TENT4A: variants seen among roughly 807,000 people sequenced by gnomAD.
The protein encoded by TENT4A is DNA polymerase kappa.
A neutral mutation model predicts 72.8 loss-of-function variants in TENT4A; 7 were observed. That is an observed-to-expected ratio of 0.10 (90% CI 0.05 to 0.18). The LOEUF is 0.18. Ranked by LOEUF, TENT4A falls within the 10% of genes least tolerant of loss-of-function variation. The probability of loss-of-function intolerance (pLI) is 1.00; values close to 1 mark genes in which losing one functional copy is unlikely to be tolerated. For synonymous variants in TENT4A, 456 were observed against 434.3 expected (o/e 1.05, Z -0.62); for missense variants, 831 against 1,017.7 (o/e 0.82, Z 2.50).
chr5:6,754,026 G>A (rs544777604), intron 12 of TENT4A, among the ~76,000 whole-genome samples: 2 of 152,362 alleles, frequency 1.3e-5, no homozygotes, highest in East Asian at 3.9e-4. Flanking sequence ...CAGGGAATGT[G>A]CTTTGGGTGT....
chr5:6,750,679 T>C (rs1408779052), intron 10 of TENT4A, 176 bp downstream of exon 10: 2 of 594,976 alleles, frequency 3.4e-6, no homozygotes, highest in Middle Eastern at 4.4e-4. Context: ...TCCTTTCCCC[T>C]GCCGTGAACC....
At chr5:6,730,185 A>AC (rs34407051) in intron 1 of TENT4A, among the ~76,000 whole-genome samples, 1 of 151,032 alleles carries the variant, frequency 6.6e-6, no homozygotes, top group Admixed American at 6.6e-5. Context: ...AAAGTGTTGC[A>AC]CCCCCCAGCA....
Position 6,746,066 on chromosome 5 carries a change from C to G in TENT4A, c.1246-148C>G, listed in dbSNP as rs577392827. ...ACTCCTCGTTGAAGAGGCTGCTGTT[C>G]AGGCTTCCTCGTGGTGCTGGTGAGT... On this transcript the variant is annotated intron_variant, in intron 6 of 12. Coordinates refer to ENST00000230859, the MANE Select transcript of TENT4A (RefSeq NM_006999.6). 1.8e-3 allele frequency: 2,704 copies of G among 1,502,212 alleles called. 12 individuals are homozygous for G. The highest frequency in any genetic ancestry group is 3.1e-3 in the Middle Eastern group (15 of 4,878). 93.1% of individuals were successfully genotyped at this position (1,502,212 alleles called of 1,614,324 possible). A position where few individuals can be genotyped will look rare whatever the true frequency, so the allele number is the denominator to read the frequency against.
chr5:6,720,675 A>AAAT (rs1740602181), intron 1 of TENT4A, among the ~76,000 whole-genome samples: 3 of 140,196 alleles, frequency 2.1e-5, no homozygotes, highest in South Asian at 2.4e-4. Context: ...ACTCTGTCTC[A>AAAT]AAATAAATAA....
intron 1 of TENT4A, among the ~76,000 whole-genome samples, chr5:6,734,880 G>A (rs553660120): frequency 6.6e-6 from 1 of 152,308 alleles, no homozygotes; most frequent in Admixed American, 6.5e-5. Flanking sequence ...AAAAACGGAT[G>A]CCATGTTACG....
intron 4 of TENT4A, among the ~76,000 whole-genome samples, chr5:6,742,077 A>G (rs964128547): frequency 1.3e-5 from 2 of 152,270 alleles, no homozygotes; most frequent in African/African-American, 2.4e-5. Flanking sequence ...CAATATCAGT[A>G]TAACATACAA....
intron 2 of TENT4A, among the ~76,000 whole-genome samples, chr5:6,737,890 C>T (rs1042435760): frequency 8.8e-5 from 13 of 147,392 alleles, no homozygotes; most frequent in Non-Finnish European, 1.3e-4. Context: ...CGAAGACCAT[C>T]GGCTGAGGGA....
At chr5:6,732,743 A>C (rs1041901758) in intron 1 of TENT4A, among the ~76,000 whole-genome samples, 1 of 152,100 alleles carries the variant, frequency 6.6e-6, no homozygotes, top group African/African-American at 2.4e-5. Flanking sequence ...ACTAAAAAAA[A>C]CCTCTGCTGT....
intron 7 of TENT4A, among the ~76,000 whole-genome samples, chr5:6,746,974 G>A (rs1165862211): frequency 6.6e-6 from 1 of 152,076 alleles, no homozygotes; most frequent in Non-Finnish European, 1.5e-5. Flanking sequence ...GAGGTTTCCC[G>A]GTTTTATTCC....
At chr5:6,748,737 T>G in intron 8 of TENT4A, 147 bp downstream of exon 8, 1 of 813,270 alleles carries the variant, frequency 1.2e-6, no homozygotes, top group African/African-American at 1.7e-5. Flanking sequence ...AAGGAAGGCC[T>G]TCTAGGAATA....
chr5:6,747,154 G>A (rs1018503590), intron 7 of TENT4A, among the ~76,000 whole-genome samples: 2 of 152,168 alleles, frequency 1.3e-5, no homozygotes, highest in African/African-American at 2.4e-5. Context: ...TTGATTGAGC[G>A]TCTGTTAGGT....
Position 6,748,600 on chromosome 5 carries a change from T to C in TENT4A, c.1586+10T>C, listed in dbSNP as rs773431125. Reference sequence around the variant, plus strand: ...ACAGAGACGCCGAAAGGTAATGGGTTGTGTGTCTGCGTCTGGGCTCAGCGT... The same window carrying C: ...ACAGAGACGCCGAAAGGTAATGGGTCGTGTGTCTGCGTCTGGGCTCAGCGT... On this transcript the variant is annotated intron_variant, in intron 8 of 12. Transcript: ENST00000230859. The C allele has an allele frequency of 5.0e-6, 8 of 1,606,430 alleles. No individual in the cohort carries two copies. The highest frequency in any genetic ancestry group is 6.8e-6 in the Non-Finnish European group (8 of 1,173,584).
chr5:6,745,259 G>C lies in TENT4A; in HGVS notation c.1246-955G>C, dbSNP rs538836342. On this transcript the variant is annotated intron_variant, in intron 6 of 12. Coordinates refer to ENST00000230859, the MANE Select transcript of TENT4A (RefSeq NM_006999.6). ...TGGTGGAAATATGCAGAGAACTCCG[G>C]AATTCTTCTGAACCCTAAAAACATT... Among the ~76,000 whole-genome samples the C allele has an allele frequency of 2.8e-4, 42 of 152,336 alleles. 2 individuals carry two copies. In the South Asian group the frequency reaches 5.6e-3, roughly 20 times the overall value.
intron 1 of TENT4A, among the ~76,000 whole-genome samples, chr5:6,722,544 T>C (rs1740704325): frequency 1.6e-5 from 2 of 127,064 alleles, no homozygotes; most frequent in Non-Finnish European, 1.6e-5. Flanking sequence ...TTTGCATTTG[T>C]TAGTTTTTTT....
In TENT4A at chr5:6,713,894, C is replaced by T. The variant is rs1579440576; in HGVS notation, c.-90C>T. The T allele has an allele frequency of 2.8e-6, 1 of 359,020 alleles. No homozygotes were observed. The highest frequency in any genetic ancestry group is 3.8e-6 in the Non-Finnish European group (1 of 260,478). The allele number at this position is 359,020 out of a possible 1,614,324, so 22.2% of individuals were successfully genotyped here. On this transcript the variant is annotated 5_prime_UTR_variant, in exon 1 of 13. Coordinates refer to ENST00000230859, the MANE Select transcript of TENT4A (RefSeq NM_006999.6). ...ACCGGCCCAGGCCCGTCCGTCCGTC[C>T]GTGCGCGCGCGGCCGGGCCTCGGGG...
At chr5:6,726,232 G>T (rs950418343) in intron 1 of TENT4A, among the ~76,000 whole-genome samples, 1 of 152,212 alleles carries the variant, frequency 6.6e-6, no homozygotes, top group Non-Finnish European at 1.5e-5. Context: ...CTGCGTCCCT[G>T]TGTTGTACTT....
intron 2 of TENT4A, among the ~76,000 whole-genome samples, chr5:6,737,866 C>T (rs577717766): frequency 8.0e-5 from 12 of 150,912 alleles, no homozygotes; most frequent in Non-Finnish European, 1.3e-4. Flanking sequence ...GTGATGCTGG[C>T]GCGCACTCAA....
In TENT4A at chr5:6,714,206, C is replaced by T. The variant is rs1740238682; in HGVS notation, c.223C>T (p.Pro75Ser). 1.0e-6 allele frequency: 1 copy of T among 972,262 alleles called. No homozygotes were observed. The highest frequency in any genetic ancestry group is 1.2e-6 in the Non-Finnish European group (1 of 821,718). The allele number at this position is 972,262 out of a possible 1,614,324, so 60.2% of individuals were successfully genotyped here. Residue 75 changes from proline to serine, a missense_variant, in exon 1 of 13, where the codon CCG (proline) becomes TCG (serine). Around this residue, in one of 3 missense-constraint regions of TENT4A, gnomAD observed 302 missense variants for 293.8 expected, o/e 1.03. Transcript: ENST00000230859. ...GPALPAASPP[P>S]PGPTAPAALP... ...CGCGCTGCCCGCCGCGTCGCCCCCG[C>T]CGCCCGGCCCCACCGCGCCCGCCGC...
At chr5:6,730,935 C>G (rs1741179651) in intron 1 of TENT4A, among the ~76,000 whole-genome samples, 1 of 152,164 alleles carries the variant, frequency 6.6e-6, no homozygotes, top group African/African-American at 2.4e-5. Context: ...AGAAGCAATG[C>G]AGTCATTCCC....
Sources: allele counts gnomAD v4.1 joint callset (sites outside exome capture counted in the v4.1 genomes callset), GRCh38; gene constraint gnomAD v4.1.1; regional missense constraint gnomAD v4.1.1; transcripts MANE v1.5; gene names NCBI Gene and HGNC (gene_info 2026-07-23, HGNC 2026-07-21).